Variants in CNTRL observed in about 807,000 individuals in gnomAD.
The protein encoded by CNTRL is 110 kDa centrosomal protein.
CNTRL carries 233 observed loss-of-function variants against 303.7 expected under a neutral mutation model. The observed-to-expected ratio is 0.77, with a 90% CI of 0.69 to 0.86. The LOEUF (loss-of-function observed/expected upper bound fraction) is 0.86, where lower values mean the gene tolerates loss of function less well. CNTRL is among the 40% of genes least tolerant of loss of function. CNTRL has a pLI of 0.00. For synonymous variants in CNTRL, 900 were observed against 922.2 expected (o/e 0.98, Z 0.44); for missense variants, 2,524 against 2,650.6 (o/e 0.95, Z 1.05).
chr9:121,106,502 G>T (rs1372811259), intron 7 of CNTRL, among the ~76,000 whole-genome samples: 1 of 152,154 alleles, frequency 6.6e-6, no homozygotes, highest in East Asian at 1.9e-4. Flanking sequence ...ATGTGCAGGT[G>T]TGGGTAGTTT....
Position 121,112,513 on chromosome 9 carries a change from G to A in CNTRL, c.1057G>A (p.Glu353Lys). 1 of 1,612,746 alleles carries A rather than the reference G, an allele frequency of 6.2e-7. No individual in the cohort carries two copies. Among genetic ancestry groups the A allele is most frequent in the Non-Finnish European group, 8.5e-7 (1 of 1,178,988 alleles). Residue 353 changes from glutamate to lysine, a missense_variant, in exon 9 of 44, where the codon GAA (glutamate) becomes AAA (lysine). Coordinates refer to ENST00000373855, the MANE Select transcript of CNTRL (RefSeq NM_007018.6). ...AGCATGTCAGAAGCAATATGAGCTG[G>A]AACAGGAATTGGCCTTTTATAAAAT... ...TRACQKQYELEQELAFYKIDA... is the reference protein window; with the variant it reads ...TRACQKQYELKQELAFYKIDA...
At chr9:121,095,479 GT>G (rs1280264215) in intron 5 of CNTRL, among the ~76,000 whole-genome samples, 1 of 152,018 alleles carries the variant, frequency 6.6e-6, no homozygotes, top group Non-Finnish European at 1.5e-5. Flanking sequence ...ATATATTACT[GT>G]GAGAAATAAA....
intron 7 of CNTRL, among the ~76,000 whole-genome samples, chr9:121,105,559 G>A (rs1435425361): frequency 6.6e-6 from 1 of 152,118 alleles, no homozygotes; most frequent in East Asian, 1.9e-4. Context: ...AAATTGCATG[G>A]GAATCAGCTC....
chr9:121,143,301 C>G (rs2051628422), intron 19 of CNTRL, among the ~76,000 whole-genome samples: 1 of 152,094 alleles, frequency 6.6e-6, no homozygotes, highest in Admixed American at 6.5e-5. Flanking sequence ...TTCTCTGATG[C>G]TAGACCCTTG....
chr9:121,158,773 C>T (rs1218427631), intron 30 of CNTRL, 82 bp from the exon 31 acceptor site: 1 of 1,337,424 alleles, frequency 7.5e-7, no homozygotes, highest in Admixed American at 2.1e-5. Flanking sequence ...CTGATTTTAC[C>T]TCACAACTAA....
intron 14 of CNTRL, among the ~76,000 whole-genome samples, chr9:121,129,461 A>T (rs1219106072): frequency 2.6e-5 from 4 of 152,148 alleles, no homozygotes; most frequent in Non-Finnish European, 5.9e-5. Flanking sequence ...ATAGGAATGC[A>T]TGTGATTTTT....
At chr9:121,109,121 G>T (rs553854581) in intron 8 of CNTRL, among the ~76,000 whole-genome samples, 2 of 152,192 alleles carry the variant, frequency 1.3e-5, no homozygotes, top group East Asian at 3.9e-4. Flanking sequence ...TGTAGTATTT[G>T]CAAGTGACTT....
chr9:121,080,197 A>T (rs531927745), intron 1 of CNTRL, 109 bp from the exon 2 acceptor site: 4 of 151,324 alleles, frequency 2.6e-5, no homozygotes, highest in Non-Finnish European at 5.9e-5. Context: ...CTTCATCTGT[A>T]AAATGGGAAA....
chr9:121,169,654 A>G lies in CNTRL; in HGVS notation c.6114A>G (p.Ser2038=), dbSNP rs1466828528. 1 of 1,614,206 alleles carries G rather than the reference A, an allele frequency of 6.2e-7. No individual in the cohort carries two copies. Among genetic ancestry groups the G allele is most frequent in the Admixed American group, 1.7e-5 (1 of 60,016 alleles). Residue 2038 remains serine, a synonymous_variant, in exon 39 of 44, where the codon TCA becomes TCG. Transcript: ENST00000373855. The part of the protein sequence containing the change: ...SEREQQLVEK[S]GELLALQKEA... Reference sequence around the variant, plus strand: ...GGGAGCAGCAATTGGTGGAGAAATCAGGTGAGCTGTTGGCCCTCCAGAAAG... The same window carrying G: ...GGGAGCAGCAATTGGTGGAGAAATCGGGTGAGCTGTTGGCCCTCCAGAAAG...
At chr9:121,103,963 T>C (rs1017949692) in intron 7 of CNTRL, among the ~76,000 whole-genome samples, 2 of 152,200 alleles carry the variant, frequency 1.3e-5, no homozygotes, top group African/African-American at 4.8e-5. Context: ...TGGAAGACTG[T>C]GTGTGATTCC....
intron 8 of CNTRL, among the ~76,000 whole-genome samples, chr9:121,108,461 C>A (rs549856243): frequency 6.6e-6 from 1 of 152,258 alleles, no homozygotes; most frequent in Admixed American, 6.5e-5. Flanking sequence ...AAACTATGAA[C>A]TGTAGTTGCC....
intron 5 of CNTRL, among the ~76,000 whole-genome samples, chr9:121,096,019 ATAACT>A (rs1215084804): frequency 6.6e-6 from 1 of 152,222 alleles, no homozygotes; most frequent in Non-Finnish European, 1.5e-5. Flanking sequence ...TCTTTTTATG[ATAACT>A]TAAGACAATA....
intron 14 of CNTRL, among the ~76,000 whole-genome samples, chr9:121,130,945 G>T (rs1298023950): frequency 6.6e-6 from 1 of 152,190 alleles, no homozygotes; most frequent in African/African-American, 2.4e-5. Context: ...GTGGTTTTGA[G>T]TGAGTTTCTT....
At chr9:121,096,284 C>A in intron 5 of CNTRL, 138 bp from the exon 6 acceptor site, 1 of 595,982 alleles carries the variant, frequency 1.7e-6, no homozygotes, top group Non-Finnish European at 2.4e-6. Flanking sequence ...TTTCTTTGTT[C>A]TCATTTATGA....
In CNTRL at chr9:121,146,202, T is replaced by G. The variant is rs200835252; in HGVS notation, c.3405T>G (p.Asp1135Glu). Residue 1135 changes from aspartate to glutamate, a missense_variant, in exon 23 of 44, where the codon GAT becomes GAG. Physicochemically the swap from Asp to Glu is conservative, Grantham distance 45 (BLOSUM62 2). Coordinates refer to ENST00000373855, the MANE Select transcript of CNTRL (RefSeq NM_007018.6). The stretch of plus-strand genomic sequence containing the variant: ...ATGATTACATAAGCAGCATGGCAGA[T>G]CCTTTCAAAAGACGAGGCTATTGGT... ...YQNDYISSMA[D>E]PFKRRGYWYF... is the part of the protein sequence containing the mutation. 2 of 1,613,518 alleles carry G rather than the reference T, an allele frequency of 1.2e-6. No homozygotes were observed. The highest frequency in any genetic ancestry group is 1.3e-5 in the African/African-American group (1 of 74,904).
intron 22 of CNTRL, 81 bp from the exon 23 acceptor site, chr9:121,146,027 C>T (rs2051831294): frequency 7.9e-7 from 1 of 1,271,486 alleles, no homozygotes; most frequent in African/African-American, 1.5e-5. Flanking sequence ...AATTAATTGG[C>T]TCTCTTAGAA....
intron 7 of CNTRL, among the ~76,000 whole-genome samples, chr9:121,107,509 T>G (rs2049533045): frequency 6.6e-6 from 1 of 152,160 alleles, no homozygotes; most frequent in Non-Finnish European, 1.5e-5. Context: ...TGATAAAATA[T>G]TGCATGTTTT....
intron 19 of CNTRL, 122 bp downstream of exon 19, chr9:121,142,392 T>C: frequency 3.9e-6 from 3 of 763,624 alleles, no homozygotes; most frequent in Non-Finnish European, 5.9e-6. Flanking sequence ...GCTGGCACAG[T>C]GCTGAACCTG....
Position 121,138,608 on chromosome 9 carries a change from G to A in CNTRL, c.2266G>A (p.Gly756Arg), listed in dbSNP as rs752886240. The A allele has an allele frequency of 1.9e-6, 3 of 1,613,954 alleles. No homozygotes were observed. The South Asian group carries it at 3.3e-5, about 18-fold the overall frequency. ...KERQALKNAL[G>R]KAQFSEEKEQ... ...AAGGCAAGCCCTCAAGAATGCCCTT[G>A]GAAAAGCCCAGTTCTCAGAAGAAAA... is the stretch of plus-strand genomic sequence containing the variant. The change falls in exon 16 of 44, where the codon GGA (glycine) becomes AGA (arginine). Residue 756 changes from glycine (G) to arginine (R), a missense_variant. Gly to Arg is a moderately radical substitution (Grantham distance 125). Transcript: ENST00000373855.
Sources: gnomAD v4.1 joint callset for allele counts (sites outside exome capture counted in the v4.1 genomes callset) on GRCh38, gnomAD v4.1.1 for gene constraint, MANE v1.5 for transcripts, NCBI Gene and HGNC (gene_info 2026-07-23, HGNC 2026-07-21) for gene names.